GPATCH2: variants seen among roughly 807,000 people sequenced by gnomAD.
The protein encoded by GPATCH2 is G patch domain-containing protein 2.
In GPATCH2, 51 loss-of-function variants were observed where a neutral mutation model predicts 58.0. That is an observed-to-expected ratio of 0.88 (90% CI 0.70 to 1.11). GPATCH2 has a LOEUF of 1.11. Ranked by LOEUF, GPATCH2 falls within the 50% of genes most tolerant of loss-of-function variation. The pLI is 0.00. For missense variants in GPATCH2, 625 were observed against 652.2 expected (o/e 0.96, Z 0.45); for synonymous variants, 222 against 218.5 (o/e 1.02, Z -0.14).
intron 8 of GPATCH2, among the ~76,000 whole-genome samples, chr1:217,460,646 G>C (rs1660160902): frequency 6.6e-6 from 1 of 152,208 alleles, no homozygotes; most frequent in African/African-American, 2.4e-5. Context: ...GCAGTGGGAG[G>C]AGATGACACC....
intron 5 of GPATCH2, among the ~76,000 whole-genome samples, chr1:217,548,128 T>C (rs373292992): frequency 6.6e-6 from 1 of 152,156 alleles, no homozygotes; most frequent in South Asian, 2.1e-4. Context: ...TTTATACCAG[T>C]GTGAAAACGG....
At chr1:217,495,702 T>C (rs571069018) in intron 7 of GPATCH2, among the ~76,000 whole-genome samples, 1 of 152,304 alleles carries the variant, frequency 6.6e-6, no homozygotes, top group Admixed American at 6.5e-5. Context: ...ACCAACATAG[T>C]ATAATTACTG....
chr1:217,589,144 T>A (rs190100172), intron 5 of GPATCH2, among the ~76,000 whole-genome samples: 2 of 152,192 alleles, frequency 1.3e-5, no homozygotes, highest in African/African-American at 4.8e-5. Flanking sequence ...GCTTCTCTTA[T>A]ATGTGAAAGA....
chr1:217,599,705 CA>C (rs1480811049), intron 5 of GPATCH2, among the ~76,000 whole-genome samples: 1 of 152,112 alleles, frequency 6.6e-6, no homozygotes, highest in Non-Finnish European at 1.5e-5. Context: ...ACAGCTGAAC[CA>C]AAAACTTTAT....
intron 5 of GPATCH2, among the ~76,000 whole-genome samples, chr1:217,569,941 G>C (rs997087002): frequency 1.3e-5 from 2 of 152,116 alleles, no homozygotes; most frequent in Non-Finnish European, 2.9e-5. Flanking sequence ...AGAAAACATG[G>C]AAATTCACTA....
intron 5 of GPATCH2, among the ~76,000 whole-genome samples, chr1:217,543,219 T>C (rs1189771111): frequency 6.6e-6 from 1 of 151,800 alleles, no homozygotes; most frequent in Non-Finnish European, 1.5e-5. Flanking sequence ...GAGTCAGTTT[T>C]AGATTTATGT....
chr1:217,470,946 A>C (rs1660700530), intron 8 of GPATCH2, among the ~76,000 whole-genome samples: 2 of 152,016 alleles, frequency 1.3e-5, no homozygotes, highest in African/African-American at 4.8e-5. Context: ...AATAAAAAAA[A>C]CTAAGATATT....
rs1433034978 is a variant in GPATCH2 at position 217,429,857 on chromosome 1, A to C, written c.*1288T>G. On this transcript the variant is annotated 3_prime_UTR_variant, in exon 10 of 10. Transcript: ENST00000366935. ...AAAAAAAAAAAAAAAGAAACAAAAA[A>C]ACTCTTTTGGAAAGTGACAAGATTT... 6.6e-6 allele frequency: 1 copy of C among 151,440 alleles called. No homozygotes were observed. The highest frequency in any genetic ancestry group is 2.4e-5 in the African/African-American group (1 of 41,190). 9.4% of individuals were successfully genotyped at this position (151,440 alleles called of 1,614,324 possible). A position where few individuals can be genotyped will look rare whatever the true frequency, so the allele number is the denominator to read the frequency against.
At chr1:217,540,654 T>C (rs1664693533) in intron 5 of GPATCH2, among the ~76,000 whole-genome samples, 1 of 152,216 alleles carries the variant, frequency 6.6e-6, no homozygotes, top group Admixed American at 6.5e-5. Context: ...ACCACTTTAG[T>C]GGTAAACAGG....
At chr1:217,444,976 C>T (rs927547500) in intron 9 of GPATCH2, among the ~76,000 whole-genome samples, 1 of 152,048 alleles carries the variant, frequency 6.6e-6, no homozygotes, top group Non-Finnish European at 1.5e-5. Context: ...TTACAACCTG[C>T]CTTCACTGCC....
At chr1:217,456,237 C>T (rs1659937220) in intron 8 of GPATCH2, among the ~76,000 whole-genome samples, 1 of 152,152 alleles carries the variant, frequency 6.6e-6, no homozygotes, top group Non-Finnish European at 1.5e-5. Flanking sequence ...CCCACTTGGG[C>T]TTTGGGAGTC....
intron 5 of GPATCH2, among the ~76,000 whole-genome samples, chr1:217,521,542 A>G (rs1663459578): frequency 6.6e-6 from 1 of 151,300 alleles, no homozygotes; most frequent in African/African-American, 2.4e-5. Context: ...AATGCAGGGC[A>G]TGGCAGCACT....
At chr1:217,538,788 G>A (rs1474526728) in intron 5 of GPATCH2, among the ~76,000 whole-genome samples, 2 of 152,044 alleles carry the variant, frequency 1.3e-5, no homozygotes, top group Admixed American at 1.3e-4. Context: ...GGTTACTATG[G>A]GCCAAGTTAT....
chr1:217,549,271 A>T (rs1367244266), intron 5 of GPATCH2, among the ~76,000 whole-genome samples: 2 of 151,704 alleles, frequency 1.3e-5, no homozygotes, highest in East Asian at 1.9e-4. Context: ...CATAACTTAG[A>T]TCAATATGAG....
intron 6 of GPATCH2, among the ~76,000 whole-genome samples, chr1:217,500,364 C>T (rs944448865): frequency 3.3e-5 from 5 of 151,968 alleles, no homozygotes; most frequent in African/African-American, 1.2e-4. Context: ...TTTTCTAGAT[C>T]TGTCCTGGAA....
intron 5 of GPATCH2, among the ~76,000 whole-genome samples, chr1:217,602,733 G>A (rs1157447705): frequency 6.6e-6 from 1 of 152,028 alleles, no homozygotes; most frequent in Non-Finnish European, 1.5e-5. Context: ...TGGAGGACTG[G>A]GTTCCAGTGA....
At chr1:217,568,502 G>T (rs960856828) in intron 5 of GPATCH2, among the ~76,000 whole-genome samples, 1 of 152,134 alleles carries the variant, frequency 6.6e-6, no homozygotes, top group Non-Finnish European at 1.5e-5. Context: ...AAGTGAAATT[G>T]AGAGTACTGG....
At chr1:217,533,409 A>C (rs1016717052) in intron 5 of GPATCH2, among the ~76,000 whole-genome samples, 1 of 152,204 alleles carries the variant, frequency 6.6e-6, no homozygotes, top group Non-Finnish European at 1.5e-5. Flanking sequence ...GTGAAAAAAT[A>C]AAGGTGAAAA....
intron 8 of GPATCH2, among the ~76,000 whole-genome samples, chr1:217,470,589 A>G (rs1230223804): frequency 6.6e-6 from 1 of 152,186 alleles, no homozygotes; most frequent in Non-Finnish European, 1.5e-5. Flanking sequence ...CTCTATGATC[A>G]TTAGTTTAAA....
Sources: allele counts gnomAD v4.1 joint callset (sites outside exome capture counted in the v4.1 genomes callset), GRCh38; gene constraint gnomAD v4.1.1; transcripts MANE v1.5; gene names NCBI Gene and HGNC (gene_info 2026-07-23, HGNC 2026-07-21).